Variants in BLOC1S5 observed in about 807,000 individuals in gnomAD.
BLOC1S5 encodes the protein biogenesis of lysosomal organelles complex 1 subunit 5.
A neutral mutation model predicts 24.3 loss-of-function variants in BLOC1S5; 27 were observed. The ratio of observed to expected loss-of-function variants is 1.11; its 90% CI spans 0.82 to 1.53. The LOEUF is 1.53. Among genes scored for constraint, BLOC1S5 ranks in the 40% most tolerant of loss-of-function variants. The probability of loss-of-function intolerance (pLI) is 0.00; values close to 1 mark genes in which losing one functional copy is unlikely to be tolerated. For synonymous variants in BLOC1S5, 84 were observed against 74.5 expected (o/e 1.13, Z -0.66); for missense variants, 239 against 229.4 (o/e 1.04, Z -0.27).
chr6:8,019,271 T>TTG lies in BLOC1S5; in HGVS notation c.385-3444_385-3443insCA, dbSNP rs1163959074. Among the ~76,000 whole-genome samples, 3 of 147,928 alleles carry TTG rather than the reference T, an allele frequency of 2.0e-5. No individual in the cohort carries two copies. The South Asian group carries it at 6.3e-4, about 31-fold the overall frequency. On this transcript the variant is annotated intron_variant, in intron 4 of 4. Coordinates refer to ENST00000397457, the MANE Select transcript of BLOC1S5 (RefSeq NM_201280.3). The stretch of plus-strand genomic sequence containing the variant: ...ATAGTAACTGCTAGGCATTCTTACT[T>TTG]TTTTTTTTTTTTTTGAGATGGAGTT...
chr6:8,064,235 A>C, intron 1 of BLOC1S5, 30 bp downstream of exon 1: 1 of 1,579,850 alleles, frequency 6.3e-7, no homozygotes, highest in Non-Finnish European at 8.6e-7. Flanking sequence ...GCTGGGATCC[A>C]CCAGGAACTA....
intron 2 of BLOC1S5, among the ~76,000 whole-genome samples, chr6:8,050,329 G>T (rs191461903): frequency 2.0e-5 from 3 of 151,936 alleles, no homozygotes; most frequent in African/African-American, 7.3e-5. Flanking sequence ...ATGAATGTTG[G>T]GTCTGTTCTC....
chr6:8,057,238 A>G (rs1764345460), intron 2 of BLOC1S5, among the ~76,000 whole-genome samples: 2 of 152,096 alleles, frequency 1.3e-5, no homozygotes, highest in Admixed American at 6.6e-5. Flanking sequence ...GAAAAGAAAA[A>G]AAGAAAAGAC....
intron 2 of BLOC1S5, among the ~76,000 whole-genome samples, chr6:8,058,699 C>CA (rs780185371): frequency 7.7e-4 from 117 of 151,674 alleles, no homozygotes; most frequent in Admixed American, 1.4e-3. Context: ...CAAAACAAAA[C>CA]AAAAAAAATG....
At chr6:8,045,668 G>T (rs1020172145) in intron 2 of BLOC1S5, among the ~76,000 whole-genome samples, 9 of 152,236 alleles carry the variant, frequency 5.9e-5, no homozygotes, top group African/African-American at 1.9e-4. Context: ...TGGCCTGAAT[G>T]TGAGACCTGG....
chr6:8,046,434 A>T (rs1361280519), intron 2 of BLOC1S5, among the ~76,000 whole-genome samples: 1 of 152,204 alleles, frequency 6.6e-6, no homozygotes, highest in East Asian at 1.9e-4. Flanking sequence ...AAATTAAAAT[A>T]AGAAGTTACT....
intron 2 of BLOC1S5, among the ~76,000 whole-genome samples, chr6:8,053,495 C>T (rs954573017): frequency 6.6e-6 from 1 of 152,198 alleles, no homozygotes; most frequent in African/African-American, 2.4e-5. Flanking sequence ...AGATTATTAG[C>T]AGCCTTAGCA....
chr6:8,016,637 C>A (rs144616798), intron 4 of BLOC1S5, among the ~76,000 whole-genome samples: 1 of 151,954 alleles, frequency 6.6e-6, no homozygotes, highest in East Asian at 1.9e-4. Context: ...GAAGCTGAGG[C>A]GGGCAGATCA....
At chr6:8,044,988 G>A (rs1210453629) in intron 2 of BLOC1S5, among the ~76,000 whole-genome samples, 1 of 152,200 alleles carries the variant, frequency 6.6e-6, no homozygotes, top group East Asian at 1.9e-4. Flanking sequence ...TAAGTAACAA[G>A]GAGCCAAATG....
intron 2 of BLOC1S5, among the ~76,000 whole-genome samples, chr6:8,057,891 T>A (rs1294766608): frequency 6.6e-6 from 1 of 152,250 alleles, no homozygotes; most frequent in African/African-American, 2.4e-5. Flanking sequence ...TCTATGAAAA[T>A]TTCCCTGAGC....
intron 3 of BLOC1S5, among the ~76,000 whole-genome samples, chr6:8,037,045 T>C (rs1246626787): frequency 6.6e-6 from 1 of 152,084 alleles, no homozygotes; most frequent in African/African-American, 2.4e-5. Context: ...TGAGGAAAAA[T>C]TGAGAGCCTT....
At chr6:8,027,354 A>G (rs1763142790) in intron 3 of BLOC1S5, 1 of 456,720 alleles carries the variant, frequency 2.2e-6, no homozygotes, top group Non-Finnish European at 4.4e-6. Context: ...TGTGCCAGGC[A>G]CTGTTCTTGT....
Position 8,041,220 on chromosome 6 carries a change from T to G in BLOC1S5, c.244A>C (p.Met82Leu). The G allele has an allele frequency of 6.2e-7, 1 of 1,613,256 alleles. No individual in the cohort carries two copies. Among genetic ancestry groups the G allele is most frequent in the Non-Finnish European group, 8.5e-7 (1 of 1,179,546 alleles). Residue 82 changes from methionine (M) to leucine (L), a missense_variant, in exon 3 of 5, where the codon ATG becomes CTG. Coordinates refer to ENST00000397457, the MANE Select transcript of BLOC1S5 (RefSeq NM_201280.3). ...GTATGTTCATTTGTTTCATGGATCA[T>G]GTTCTTCAAATTTTCAAGAACTCGC... ...EMRVLENLKNMIHETNEHTLP... is the reference protein window; with the variant it reads ...EMRVLENLKNLIHETNEHTLP...
At position 8,018,708 on chromosome 6, in the gene BLOC1S5, G is replaced by T. The variant is rs115364442; in HGVS notation, c.385-2880C>A. ...TTTATAAAGACTACAGGTAGAACAT[G>T]TCAAGTTCCTAGCTCAGTGCCTGAG... On this transcript the variant is annotated intron_variant, in intron 4 of 4. Coordinates refer to ENST00000397457, the MANE Select transcript of BLOC1S5 (RefSeq NM_201280.3). 3.8e-3 allele frequency among the ~76,000 whole-genome samples: 584 copies of T among 152,322 alleles called. 3 individuals are homozygous for T. The highest frequency in any genetic ancestry group is 0.014 in the African/African-American group (562 of 41,568).
chr6:8,047,281 C>G (rs1054813087), intron 2 of BLOC1S5, among the ~76,000 whole-genome samples: 1 of 151,292 alleles, frequency 6.6e-6, no homozygotes, highest in Non-Finnish European at 1.5e-5. Flanking sequence ...AATCTTGGCT[C>G]ACTGCAACCT....
intron 3 of BLOC1S5, among the ~76,000 whole-genome samples, chr6:8,036,727 G>C (rs1424524297): frequency 6.6e-6 from 1 of 152,018 alleles, no homozygotes; most frequent in Non-Finnish European, 1.5e-5. Context: ...TTAAAAAAGA[G>C]AAAACTACAG....
intron 3 of BLOC1S5, among the ~76,000 whole-genome samples, chr6:8,038,036 A>G (rs2113554791): frequency 6.6e-6 from 1 of 152,196 alleles, no homozygotes; most frequent in South Asian, 2.1e-4. Context: ...TAAGACCTGA[A>G]ACTGTGAAAT....
chr6:8,035,694 T>C (rs1020889140), intron 3 of BLOC1S5, among the ~76,000 whole-genome samples: 4 of 152,158 alleles, frequency 2.6e-5, no homozygotes, highest in African/African-American at 9.7e-5. Context: ...GTTGTAACAA[T>C]TATAAATATC....
intron 2 of BLOC1S5, among the ~76,000 whole-genome samples, chr6:8,059,056 C>T (rs1581437720): frequency 6.6e-6 from 1 of 152,224 alleles, no homozygotes. Flanking sequence ...CTCTGCTCCA[C>T]CTGAGAAAGG....
Sources: allele counts gnomAD v4.1 joint callset (sites outside exome capture counted in the v4.1 genomes callset), GRCh38; gene constraint gnomAD v4.1.1; transcripts MANE v1.5; gene names NCBI Gene and HGNC (gene_info 2026-07-23, HGNC 2026-07-21).